Variants in CUX1 observed in about 807,000 individuals in gnomAD.
CUX1 encodes the protein cut like homeobox 1.
Under a neutral mutation model 158.8 loss-of-function variants are expected in CUX1, and 31 were observed. The ratio of observed to expected loss-of-function variants is 0.20; its 90% CI spans 0.15 to 0.26. The LOEUF (loss-of-function observed/expected upper bound fraction) is 0.26, where lower values mean the gene tolerates loss of function less well. CUX1 is among the 10% of genes least tolerant of loss of function. CUX1 has a pLI of 1.00. For synonymous variants in CUX1, 879 were observed against 862.1 expected, an observed-to-expected ratio of 1.02 and a Z score of -0.34; for missense variants, 1,589 against 2,014.6, an observed-to-expected ratio of 0.79 and a Z score of 4.04.
intron 7 of CUX1, among the ~76,000 whole-genome samples, chr7:102,113,456 A>T (rs1245752408): frequency 6.6e-6 from 1 of 151,982 alleles, no homozygotes; most frequent in African/African-American, 2.4e-5. Context: ...AGGTTTCGCC[A>T]TGTTGGCCAA....
At chr7:102,232,685 T>G (rs1216531996) in intron 21 of CUX1, among the ~76,000 whole-genome samples, 3 of 148,406 alleles carry the variant, frequency 2.0e-5, no homozygotes, top group African/African-American at 7.3e-5. Flanking sequence ...GGAATGGCCC[T>G]CAGAGAAGTG....
intron 6 of CUX1, among the ~76,000 whole-genome samples, chr7:102,107,524 A>G (rs933987792): frequency 1.3e-5 from 2 of 152,222 alleles, no homozygotes; most frequent in Non-Finnish European, 2.9e-5. Context: ...CTGGGCAACA[A>G]GAGCAAAACT....
intron 14 of CUX1, among the ~76,000 whole-genome samples, chr7:102,270,087 C>T (rs1791105460): frequency 6.6e-6 from 1 of 152,246 alleles, no homozygotes; most frequent in Admixed American, 6.5e-5. Flanking sequence ...GCCCCAGAGC[C>T]CTGTACTCCA....
intron 10 of CUX1, among the ~76,000 whole-genome samples, chr7:102,172,405 CAGTGG>C (rs782407002): frequency 1.3e-5 from 2 of 151,664 alleles, no homozygotes; most frequent in Non-Finnish European, 2.9e-5. Flanking sequence ...GGCTGGAATG[CAGTGG>C]AGTGATCATG....
At chr7:102,278,369 T>G (rs1266393105) in intron 18 of CUX1, among the ~76,000 whole-genome samples, 1 of 151,964 alleles carries the variant, frequency 6.6e-6, no homozygotes, top group Non-Finnish European at 1.5e-5. Context: ...GCAGGAGAAT[T>G]GCCTGAGCTC....
intron 17 of CUX1, among the ~76,000 whole-genome samples, chr7:102,276,634 C>A (rs1045795676): frequency 6.6e-6 from 1 of 152,314 alleles, no homozygotes; most frequent in African/African-American, 2.4e-5. Flanking sequence ...GAAAGAAACA[C>A]TTATTCAAGC....
chr7:101,816,135 G>A (rs376266844), upstream of CUX1: 45 of 1,218,696 alleles, frequency 3.7e-5, no homozygotes, highest in African/African-American at 6.7e-4. Flanking sequence ...GGGGGTGGGG[G>A]CTGCGGGCGG....
chr7:101,833,187 G>A (rs1794248280), intron 1 of CUX1, among the ~76,000 whole-genome samples: 1 of 151,368 alleles, frequency 6.6e-6, no homozygotes, highest in Non-Finnish European at 1.5e-5. Flanking sequence ...TCACTTGAGA[G>A]CCCAGGAGTT....
intron 2 of CUX1, among the ~76,000 whole-genome samples, chr7:101,941,089 G>A (rs1286948816): frequency 1.3e-5 from 2 of 152,202 alleles, no homozygotes; most frequent in Admixed American, 6.5e-5. Context: ...TTTAAAGCTG[G>A]GGCATGTTGT....
At chr7:101,828,811 G>C (rs969483933) in intron 1 of CUX1, among the ~76,000 whole-genome samples, 1 of 152,174 alleles carries the variant, frequency 6.6e-6, no homozygotes, top group Admixed American at 6.5e-5. Flanking sequence ...GTGAGGGCTG[G>C]GAGAGGAGGG....
chr7:102,280,496 A>AC (rs1791981771), intron 19 of CUX1, among the ~76,000 whole-genome samples: 1 of 151,584 alleles, frequency 6.6e-6, no homozygotes, highest in Non-Finnish European at 1.5e-5. Flanking sequence ...CATTGTGGGG[A>AC]CCCCACCCCA....
intron 3 of CUX1, among the ~76,000 whole-genome samples, chr7:102,057,462 G>T (rs771577384): frequency 6.6e-6 from 1 of 152,180 alleles, no homozygotes; most frequent in Non-Finnish European, 1.5e-5. Flanking sequence ...CTGGAAAGGA[G>T]TCACCATTTT....
At chr7:101,974,441 A>G (rs896706470) in intron 2 of CUX1, among the ~76,000 whole-genome samples, 1 of 152,202 alleles carries the variant, frequency 6.6e-6, no homozygotes, top group African/African-American at 2.4e-5. Context: ...ATTAAGATAG[A>G]AAGGAGAAAC....
At chr7:101,837,533 A>G (rs1204971294) in intron 1 of CUX1, among the ~76,000 whole-genome samples, 1 of 152,134 alleles carries the variant, frequency 6.6e-6, no homozygotes, top group African/African-American at 2.4e-5. Flanking sequence ...ATCATGTTAA[A>G]GTTACTGAAA....
intron 2 of CUX1, among the ~76,000 whole-genome samples, chr7:101,918,297 G>A (rs1348778915): frequency 2.0e-5 from 3 of 152,202 alleles, no homozygotes; most frequent in Non-Finnish European, 2.9e-5. Flanking sequence ...TTCCACATTA[G>A]TTACTCAAAG....
At chr7:101,819,022 G>A (rs1412300864) in intron 1 of CUX1, 1 of 152,218 alleles carries the variant, frequency 6.6e-6, no homozygotes, top group Admixed American at 6.5e-5. Flanking sequence ...CTGGCTCACT[G>A]GGTTCTTGTC....
rs566180238 is a variant in CUX1, at chr7:102,269,504, C to A, written c.1256-3862C>A. On this transcript the variant is annotated intron_variant, in intron 14 of 22. Coordinates refer to the CUX1 transcript ENST00000292538. ...CACTGTAACCTCCGCCTCCCAGGTT[C>A]AAGCCATTCTCCTGCCTCAGCCTCC... Among the ~76,000 whole-genome samples, 4 of 151,612 alleles carry A rather than the reference C, an allele frequency of 2.6e-5. No individual in the cohort carries two copies. The South Asian group carries it at 8.4e-4, about 32-fold the overall frequency.
chr7:101,844,610 C>A lies in CUX1; in HGVS notation c.30+26941C>A, dbSNP rs1285045920. Among the ~76,000 whole-genome samples the A allele has an allele frequency of 2.0e-5, 3 of 151,884 alleles. No homozygotes were observed. In the East Asian group the frequency reaches 5.8e-4, roughly 29 times the overall value. Reference sequence around the variant, plus strand: ...TTTTCTTTTTATCCTTGTCATCGTTCTTCTTTTTTCTTTTTGTTTTTCCGA... The same window carrying A: ...TTTTCTTTTTATCCTTGTCATCGTTATTCTTTTTTCTTTTTGTTTTTCCGA... On this transcript the variant is annotated intron_variant, in intron 1 of 23. Coordinates refer to ENST00000292535, the MANE Select transcript of CUX1 (RefSeq NM_181552.4).
rs527935026 is a variant in CUX1, at chr7:102,250,659, G to C, written c.*1617G>C. ...CTACCATTTGCCCTTCTTTCATTTC[G>C]CCTCTTAGTTCTTTTTATGCACAGT... is the stretch of plus-strand genomic sequence containing the variant. On this transcript the variant is annotated 3_prime_UTR_variant, in exon 24 of 24. Transcript: ENST00000292535. The C allele has an allele frequency of 2.1e-5, 21 of 985,102 alleles. No homozygotes were observed. The highest frequency in any genetic ancestry group is 2.4e-5 in the Non-Finnish European group (20 of 829,916). The allele number at this position is 985,102 out of a possible 1,614,324, so 61.0% of individuals were successfully genotyped here. A position where few individuals can be genotyped will look rare whatever the true frequency, so the allele number is the denominator to read the frequency against.
Sources: gnomAD v4.1 joint callset for allele counts (sites outside exome capture counted in the v4.1 genomes callset) on GRCh38, gnomAD v4.1.1 for gene constraint, MANE v1.5 for transcripts, NCBI Gene and HGNC (gene_info 2026-07-23, HGNC 2026-07-21) for gene names.